FOXO1: variants seen among roughly 807,000 people sequenced by gnomAD.
The protein encoded by FOXO1 is forkhead box protein O1.
A neutral mutation model predicts 44.1 loss-of-function variants in FOXO1; 6 were observed. That is an observed-to-expected ratio of 0.14 (90% CI 0.07 to 0.27). FOXO1 has a LOEUF of 0.27. FOXO1 is among the 10% of genes least tolerant of loss of function. FOXO1 has a pLI of 1.00. For synonymous variants in FOXO1, 380 were observed against 362.7 expected (o/e 1.05, Z -0.54); for missense variants, 737 against 888.8 (o/e 0.83, Z 2.17).
chr13:40,585,657 C>G (rs1015354506), intron 1 of FOXO1, among the ~76,000 whole-genome samples: 1 of 152,110 alleles, frequency 6.6e-6, no homozygotes. Flanking sequence ...AAAGCTTCTG[C>G]GGAAATAATT....
chr13:40,637,633 C>T (rs1333624236), intron 1 of FOXO1, among the ~76,000 whole-genome samples: 1 of 152,060 alleles, frequency 6.6e-6, no homozygotes, highest in Non-Finnish European at 1.5e-5. Context: ...TAAAACACTT[C>T]CTACACAGCA....
In FOXO1 at chr13:40,618,950, G is replaced by A. The variant is rs76277135; in HGVS notation, c.630+46633C>T. On this transcript the variant is annotated intron_variant, in intron 1 of 2. Transcript: ENST00000379561. ...ATCAGAAGAACTGCAACAGTGGTTA[G>A]ATGGGGTCAACAAACAACTAGCATC... 1.1e-3 allele frequency: 554 copies of A among 525,226 alleles called. 9 individuals are homozygous for A. The East Asian group carries it at 0.026, about 25-fold the overall frequency. 32.5% of individuals were successfully genotyped at this position (525,226 alleles called of 1,614,324 possible).
At chr13:40,623,921 T>TAA (rs776362097) in intron 1 of FOXO1, among the ~76,000 whole-genome samples, 1 of 125,128 alleles carries the variant, frequency 8.0e-6, no homozygotes, top group African/African-American at 3.2e-5. Context: ...CACCATCTCT[T>TAA]AAAAAAAAAA....
At chr13:40,613,278 G>C (rs376643990) in intron 1 of FOXO1, among the ~76,000 whole-genome samples, 1 of 152,108 alleles carries the variant, frequency 6.6e-6, no homozygotes, top group East Asian at 1.9e-4. Flanking sequence ...ATGGTGAAAG[G>C]TCACTAGTCT....
chr13:40,602,082 T>G (rs767828188), intron 1 of FOXO1, among the ~76,000 whole-genome samples: 33 of 152,192 alleles, frequency 2.2e-4, no homozygotes, highest in Admixed American at 2.2e-3. Flanking sequence ...CATTCTGGTT[T>G]TCTCAATTTA....
chr13:40,597,975 T>A (rs1681792691), intron 1 of FOXO1, among the ~76,000 whole-genome samples: 2 of 152,156 alleles, frequency 1.3e-5, no homozygotes, highest in African/African-American at 2.4e-5. Flanking sequence ...TCGGGCCAAG[T>A]CCTCAGAGGC....
Position 40,665,628 on chromosome 13 carries a change from G to A in FOXO1, c.585C>T (p.Pro195=). 7 of 1,490,622 alleles carry A rather than the reference G, an allele frequency of 4.7e-6. No homozygotes were observed. Among genetic ancestry groups the A allele is most frequent in the Non-Finnish European group, 6.3e-6 (7 of 1,109,428 alleles). 92.3% of individuals were successfully genotyped at this position (1,490,622 alleles called of 1,614,324 possible). The part of the protein sequence containing the change: ...QIYEWMVKSV[P]YFKDKGDSNS... ...TGCTGTCACCCTTATCCTTGAAGTA[G>A]GGCACGCTCTTGACCATCCACTCGT... The change falls in exon 1 of 3, where the codon CCC becomes CCT. Residue 195 remains proline (P), a synonymous_variant. Transcript: ENST00000379561.
chr13:40,563,288 A>G (rs1465781954), intron 1 of FOXO1, among the ~76,000 whole-genome samples: 2 of 152,198 alleles, frequency 1.3e-5, no homozygotes, highest in African/African-American at 4.8e-5. Context: ...CTGGGAGAGA[A>G]GTCTTCTCTC....
intron 1 of FOXO1, among the ~76,000 whole-genome samples, chr13:40,612,079 TAAAC>T (rs1377394979): frequency 6.6e-6 from 1 of 151,798 alleles, no homozygotes; most frequent in East Asian, 1.9e-4. Flanking sequence ...AATAAATAAA[TAAAC>T]AAACAAATAA....
At chr13:40,644,958 GCTAAACCAGA>G (rs1218615329) in intron 1 of FOXO1, among the ~76,000 whole-genome samples, 2 of 152,302 alleles carry the variant, frequency 1.3e-5, no homozygotes, top group South Asian at 2.1e-4. Context: ...TGCAGAATTT[GCTAAACCAGA>G]CTAAACCAGA....
At chr13:40,562,946 C>T (rs1874095643) in intron 1 of FOXO1, among the ~76,000 whole-genome samples, 1 of 152,250 alleles carries the variant, frequency 6.6e-6, no homozygotes, top group Non-Finnish European at 1.5e-5. Context: ...AGCCACTACA[C>T]CTTGTTCATT....
chr13:40,559,010 A>C lies in FOXO1; in HGVS notation c.*39T>G. Reference sequence around the variant, plus strand: ...CTTCTCTCAGTTCCTGCTGTCAGACAATCTGAAGTACTTTTAAGTGTAACC... The same window carrying C: ...CTTCTCTCAGTTCCTGCTGTCAGACCATCTGAAGTACTTTTAAGTGTAACC... On this transcript the variant is annotated 3_prime_UTR_variant, in exon 3 of 3. Transcript: ENST00000379561. The C allele has an allele frequency of 2.5e-6, 1 of 398,620 alleles. No homozygotes were observed. Among genetic ancestry groups the C allele is most frequent in the Admixed American group, 4.4e-5 (1 of 22,698 alleles). The allele number at this position is 398,620 out of a possible 1,614,324, so 24.7% of individuals were successfully genotyped here.
chr13:40,584,501 A>AAAAAAAAAGC (rs1555248680), intron 1 of FOXO1, among the ~76,000 whole-genome samples: 6 of 117,192 alleles, frequency 5.1e-5, no homozygotes, highest in Non-Finnish European at 8.6e-5. Flanking sequence ...AAAAAAAAAA[A>AAAAAAAAAGC]GCCAGATGCA....
intron 1 of FOXO1, among the ~76,000 whole-genome samples, chr13:40,651,051 G>A (rs1322348932): frequency 6.6e-6 from 1 of 151,984 alleles, no homozygotes; most frequent in African/African-American, 2.4e-5. Flanking sequence ...GGGGTTACAG[G>A]TGTGAGCCAC....
At position 40,586,231 on chromosome 13, in the gene FOXO1, C is replaced by T. The variant is rs569133651; in HGVS notation, c.631-25371G>A. On this transcript the variant is annotated intron_variant, in intron 1 of 2. Coordinates refer to ENST00000379561, the MANE Select transcript of FOXO1 (RefSeq NM_002015.4). ...AAGCACAGTACTATTTTGTAAAACT[C>T]TTCTATCATTGTGTGCATATGTGCA... Among the ~76,000 whole-genome samples the T allele has an allele frequency of 3.3e-5, 5 of 152,336 alleles. No homozygotes were observed. In the South Asian group the frequency reaches 1.0e-3, roughly 32 times the overall value.
intron 1 of FOXO1, among the ~76,000 whole-genome samples, chr13:40,596,572 A>G (rs1384556980): frequency 6.6e-6 from 1 of 152,252 alleles, no homozygotes; most frequent in African/African-American, 2.4e-5. Context: ...AAAGGAGGAC[A>G]ACAGATACCT....
chr13:40,645,571 A>G (rs567032708), intron 1 of FOXO1, among the ~76,000 whole-genome samples: 3 of 152,318 alleles, frequency 2.0e-5, no homozygotes, highest in Non-Finnish European at 2.9e-5. Context: ...GGGTTGTTGT[A>G]GCAAACTTAA....
At chr13:40,649,116 A>T (rs527619484) in intron 1 of FOXO1, among the ~76,000 whole-genome samples, 2 of 152,326 alleles carry the variant, frequency 1.3e-5, no homozygotes, top group African/African-American at 4.8e-5. Flanking sequence ...TGTCATTTTA[A>T]GTGAGTCTCA....
intron 1 of FOXO1, among the ~76,000 whole-genome samples, chr13:40,596,962 G>A (rs1382088883): frequency 2.6e-5 from 4 of 152,146 alleles, no homozygotes; most frequent in African/African-American, 7.2e-5. Context: ...CTACCCCAAA[G>A]GGGAGGAAGA....
Sources: gnomAD v4.1 joint callset for allele counts (sites outside exome capture counted in the v4.1 genomes callset) on GRCh38, gnomAD v4.1.1 for gene constraint, MANE v1.5 for transcripts, NCBI Gene and HGNC (gene_info 2026-07-23, HGNC 2026-07-21) for gene names.